The following ABCD2 variants were observed in gnomAD, a reference collection of about 807,000 sequenced individuals.
ABCD2 encodes the protein ATP-binding cassette sub-family D member 2.
ABCD2 carries 36 observed loss-of-function variants against 70.9 expected under a neutral mutation model. The observed-to-expected ratio is 0.51, with a 90% confidence interval of 0.39 to 0.67. ABCD2 has a LOEUF of 0.67. Ranked by LOEUF, ABCD2 falls within the 30% of genes least tolerant of loss-of-function variation. The pLI, the probability that ABCD2 is intolerant of heterozygous loss-of-function variation, is 0.00. For synonymous variants in ABCD2, 304 were observed against 306.9 expected (o/e 0.99, Z 0.10); for missense variants, 729 against 890.2 (o/e 0.82, Z 2.30).
the ABCD2 span, among the ~76,000 whole-genome samples, chr12:39,541,429 G>A: frequency 1.3e-5 from 2 of 152,178 alleles, no homozygotes; most frequent in East Asian, 1.9e-4. Context: ...CTTGCGATGC[G>A]AGGAGCATCT....
chr12:39,610,225 A>G (rs1942026949), intron 2 of ABCD2, among the ~76,000 whole-genome samples: 1 of 152,170 alleles, frequency 6.6e-6, no homozygotes, highest in African/African-American at 2.4e-5. Flanking sequence ...TTCATGGACT[A>G]TCAGAATCAC....
At chr12:39,606,104 T>C (rs1941965938) in intron 3 of ABCD2, among the ~76,000 whole-genome samples, 1 of 152,122 alleles carries the variant, frequency 6.6e-6, no homozygotes, top group Non-Finnish European at 1.5e-5. Flanking sequence ...CAAATATAAA[T>C]ATTTGGGTAG....
chr12:39,555,478 C>G (rs1941150553), intron 9 of ABCD2, among the ~76,000 whole-genome samples: 6 of 152,176 alleles, frequency 3.9e-5, no homozygotes, highest in Admixed American at 3.9e-4. Context: ...TTCACAGTAT[C>G]TGGTTACAGA....
the ABCD2 span, among the ~76,000 whole-genome samples, chr12:39,544,583 A>G: frequency 6.6e-6 from 1 of 152,234 alleles, no homozygotes; most frequent in African/African-American, 2.4e-5. Flanking sequence ...AGATGGAGTC[A>G]GCTAAGTTAG....
At chr12:39,574,167 ATTG>A (rs1941486172) in intron 8 of ABCD2, among the ~76,000 whole-genome samples, 1 of 152,164 alleles carries the variant, frequency 6.6e-6, no homozygotes, top group African/African-American at 2.4e-5. Flanking sequence ...AAGCAGGTTC[ATTG>A]TTGGTGAGAA....
chr12:39,614,290 A>G (rs1942085653), intron 2 of ABCD2, among the ~76,000 whole-genome samples: 1 of 152,214 alleles, frequency 6.6e-6, no homozygotes, highest in Non-Finnish European at 1.5e-5. Context: ...TTACTTAGCC[A>G]AGGACTGTTT....
chr12:39,598,098 T>C (rs1017287764), intron 6 of ABCD2, among the ~76,000 whole-genome samples: 1 of 152,228 alleles, frequency 6.6e-6, no homozygotes, highest in African/African-American at 2.4e-5. Flanking sequence ...CCTTAGTGGT[T>C]CACTTCTTTC....
the ABCD2 span, among the ~76,000 whole-genome samples, chr12:39,542,451 G>A: frequency 6.8e-6 from 1 of 147,044 alleles, no homozygotes; most frequent in African/African-American, 2.5e-5. Context: ...AACAGAGCGA[G>A]ACTCCATCTC....
chr12:39,589,149 A>G (rs73096539), intron 6 of ABCD2, among the ~76,000 whole-genome samples: 1,668 of 152,302 alleles, frequency 0.011, 37 homozygotes, highest in African/African-American at 0.036. Context: ...GGAGAGAGAA[A>G]GAAAGAGAAG....
chr12:39,572,331 T>C (rs1482735521), intron 9 of ABCD2, among the ~76,000 whole-genome samples: 1 of 152,202 alleles, frequency 6.6e-6, no homozygotes, highest in Non-Finnish European at 1.5e-5. Flanking sequence ...TCAAGAGTAC[T>C]GGCCTAGCTC....
downstream of ABCD2, among the ~76,000 whole-genome samples, chr12:39,546,088 G>A (rs923601898): frequency 1.3e-5 from 2 of 152,126 alleles, no homozygotes; most frequent in African/African-American, 4.8e-5. Flanking sequence ...AGGAAAGAAA[G>A]TAGATGAAAT....
At chr12:39,601,656 T>G (rs957199872) in intron 5 of ABCD2, among the ~76,000 whole-genome samples, 2 of 151,974 alleles carry the variant, frequency 1.3e-5, no homozygotes, top group East Asian at 3.9e-4. Context: ...AAAATAAATA[T>G]CAGAAATTTA....
chr12:39,597,033 T>G (rs1439540556), intron 6 of ABCD2, among the ~76,000 whole-genome samples: 3 of 152,192 alleles, frequency 2.0e-5, no homozygotes, highest in Non-Finnish European at 4.4e-5. Context: ...TTAAAAATAT[T>G]TTTTATTCAT....
At position 39,619,556 on chromosome 12, in the gene ABCD2, A is replaced by G. The variant is rs778604234; in HGVS notation, c.60T>C (p.Ala20=). Residue 20 remains alanine (A), a synonymous_variant, in exon 1 of 10, where the codon GCT becomes GCC. Transcript: ENST00000308666. ...DRVKWTRSSA[A]KRAACLVAAA... ...CAGCCACCAGGCAGGCAGCCCTCTT[A>G]GCAGCACTCGATCTGGTCCATTTCA... is the stretch of plus-strand genomic sequence containing the variant. 12 of 1,611,282 alleles carry G rather than the reference A, an allele frequency of 7.4e-6. No individual in the cohort carries two copies. Among genetic ancestry groups the G allele is most frequent in the African/African-American group, 1.3e-5 (1 of 74,870 alleles).
intron 6 of ABCD2, among the ~76,000 whole-genome samples, chr12:39,596,479 C>A (rs184678517): frequency 6.8e-6 from 1 of 148,118 alleles, no homozygotes; most frequent in Non-Finnish European, 1.5e-5. Flanking sequence ...CTATTTCTCC[C>A]TTTTTTTCTT....
rs563110718 is a variant in ABCD2, at chr12:39,616,845, G to T, written c.1120+143C>A. 1.1e-4 allele frequency: 73 copies of T among 636,230 alleles called. No homozygotes were observed. In the Middle Eastern group the frequency reaches 4.5e-3, roughly 39 times the overall value. 39.4% of individuals were successfully genotyped at this position (636,230 alleles called of 1,614,324 possible). A position where few individuals can be genotyped will look rare whatever the true frequency, so the allele number is the denominator to read the frequency against. ...CATACTGCTGGTCTTATCACTGGACGCTGTAAAGTCTGCCATTGTTTCGGA... is the reference window on the plus strand; with the variant it reads ...CATACTGCTGGTCTTATCACTGGACTCTGTAAAGTCTGCCATTGTTTCGGA... On this transcript the variant is annotated intron_variant, in intron 2 of 9. Coordinates refer to ENST00000308666, the MANE Select transcript of ABCD2 (RefSeq NM_005164.4).
the ABCD2 span, among the ~76,000 whole-genome samples, chr12:39,531,498 T>C: frequency 6.6e-6 from 1 of 152,220 alleles, no homozygotes; most frequent in Non-Finnish European, 1.5e-5. Flanking sequence ...AAGACTAATG[T>C]GAGGAAGTTT....
chr12:39,593,447 C>A (rs1445606402), intron 6 of ABCD2, among the ~76,000 whole-genome samples: 2 of 151,954 alleles, frequency 1.3e-5, no homozygotes, highest in Non-Finnish European at 2.9e-5. Flanking sequence ...TGACGGGGTC[C>A]CCCTATGTTG....
rs1212230016 is a variant in ABCD2 at position 39,618,932 on chromosome 12, C to G, written c.684G>C (p.Leu228=). Reference sequence around the variant, plus strand: ...GCATTACATCTAAAATAGGTTTGGTCAGATTGGAATACAAGTGAGCCACAG... The same window carrying G: ...GCATTACATCTAAAATAGGTTTGGTGAGATTGGAATACAAGTGAGCCACAG... The part of the protein sequence containing the change: ...SQSVAHLYSN[L]TKPILDVMLT... Residue 228 remains leucine, a synonymous_variant, in exon 1 of 10, where the codon CTG becomes CTC. Coordinates refer to ENST00000308666, the MANE Select transcript of ABCD2 (RefSeq NM_005164.4). 2 of 1,614,152 alleles carry G rather than the reference C, an allele frequency of 1.2e-6. No individual in the cohort carries two copies. The highest frequency in any genetic ancestry group is 1.7e-6 in the Non-Finnish European group (2 of 1,180,020).
Sources: allele counts gnomAD v4.1 joint callset (sites outside exome capture counted in the v4.1 genomes callset), GRCh38; gene constraint gnomAD v4.1.1; transcripts MANE v1.5; gene names NCBI Gene and HGNC (gene_info 2026-07-23, HGNC 2026-07-21).